ADCY9: variants seen among roughly 807,000 people sequenced by gnomAD.
The protein encoded by ADCY9 is adenylate cyclase type 9.
ADCY9 carries 50 observed loss-of-function variants against 101.5 expected under a neutral mutation model. That is an observed-to-expected ratio of 0.49 (90% CI 0.39 to 0.62). The LOEUF (loss-of-function observed/expected upper bound fraction) is 0.62. ADCY9 is among the 20% of genes least tolerant of loss of function. The pLI, the probability that ADCY9 is intolerant of heterozygous loss-of-function variation, is 0.00. For synonymous variants in ADCY9, 905 were observed against 769.3 expected (o/e 1.18, Z -2.92); for missense variants, 1,662 against 1,800.4 (o/e 0.92, Z 1.39).
At chr16:3,958,562 A>G (rs2055920410), downstream of ADCY9, among the ~76,000 whole-genome samples, 3 of 148,786 alleles carry the variant, frequency 2.0e-5, no homozygotes, top group African/African-American at 7.4e-5. Flanking sequence ...AAAAAAAAAA[A>G]GAAAAACAAA....
intron 2 of ADCY9, among the ~76,000 whole-genome samples, chr16:4,032,449 G>A (rs955262900): frequency 2.6e-5 from 4 of 151,948 alleles, no homozygotes; most frequent in African/African-American, 4.8e-5. Flanking sequence ...ATGCAAAGGC[G>A]GTCACCTTAT....
Position 3,983,296 on chromosome 16 carries a change from C to A in ADCY9, c.2455G>T (p.Ala819Ser). Residue 819 changes from alanine to serine, a missense_variant, in exon 7 of 11, where the codon GCC (alanine) becomes TCC (serine). By Grantham distance (99) the Ala-to-Ser change is moderately conservative. Around this residue, in one of 5 missense-constraint regions of ADCY9, gnomAD observed 624 missense variants for 639.1 expected, o/e 0.98. Coordinates refer to ENST00000294016, the MANE Select transcript of ADCY9 (RefSeq NM_001116.4). ...YEAATVPPPP[A>S]ALAVFSAALL... is the part of the protein sequence containing the mutation. Reference sequence around the variant, plus strand: ...GCTGCACTGAAGACCGCCAGGGCGGCGGGCGGGGGAGGCACGGTGGCCGCC... The same window carrying A: ...GCTGCACTGAAGACCGCCAGGGCGGAGGGCGGGGGAGGCACGGTGGCCGCC... The A allele has an allele frequency of 6.4e-7, 1 of 1,561,120 alleles. No homozygotes were observed. Among genetic ancestry groups the A allele is most frequent in the Non-Finnish European group, 8.7e-7 (1 of 1,152,988 alleles).
At chr16:3,957,762 C>T (rs2055915370), downstream of ADCY9, among the ~76,000 whole-genome samples, 1 of 152,060 alleles carries the variant, frequency 6.6e-6, no homozygotes, top group Non-Finnish European at 1.5e-5. Flanking sequence ...ACAAGCATGT[C>T]TGTGCCCCCG....
At chr16:4,016,667 A>C (rs776298893) in intron 2 of ADCY9, among the ~76,000 whole-genome samples, 26 of 152,240 alleles carry the variant, frequency 1.7e-4, no homozygotes, top group Non-Finnish European at 2.1e-4. Flanking sequence ...AAACAAAAAA[A>C]GGGAATACAC....
intron 5 of ADCY9, 102 bp from the exon 6 acceptor site, chr16:3,989,198 T>C (rs778893440): frequency 4.3e-4 from 356 of 822,540 alleles, no homozygotes; most frequent in Non-Finnish European, 6.2e-4. Flanking sequence ...ATTAGGTATA[T>C]TACAACAGCT....
Position 4,086,809 on chromosome 16 carries a change from G to A in ADCY9, c.1693+26941C>T, listed in dbSNP as rs139046912. Among the ~76,000 whole-genome samples the A allele has an allele frequency of 1.4e-3, 211 of 152,052 alleles. 1 individual carries two copies. The highest frequency in any genetic ancestry group is 2.3e-3 in the Non-Finnish European group (154 of 67,936). Reference sequence around the variant, plus strand: ...CTAGTAGCTGGAATTACAGGCATGCGCCACCACGCCCGGCTAATTTTTGTA... The same window carrying A: ...CTAGTAGCTGGAATTACAGGCATGCACCACCACGCCCGGCTAATTTTTGTA... On this transcript the variant is annotated intron_variant, in intron 2 of 10. Coordinates refer to ENST00000294016, the MANE Select transcript of ADCY9 (RefSeq NM_001116.4).
At chr16:4,045,464 G>T (rs532013808) in intron 2 of ADCY9, among the ~76,000 whole-genome samples, 1 of 151,610 alleles carries the variant, frequency 6.6e-6, no homozygotes. Context: ...GTGTGGTGGC[G>T]TGTACCTGTA....
At chr16:4,084,773 C>G (rs2056926937) in intron 2 of ADCY9, among the ~76,000 whole-genome samples, 1 of 151,918 alleles carries the variant, frequency 6.6e-6, no homozygotes, top group Non-Finnish European at 1.5e-5. Context: ...GAATCAGTGG[C>G]AATCTCTGTG....
intron 2 of ADCY9, among the ~76,000 whole-genome samples, chr16:4,099,548 G>C (rs1169336815): frequency 6.6e-6 from 1 of 152,092 alleles, no homozygotes; most frequent in Non-Finnish European, 1.5e-5. Context: ...TCTTTAAAAA[G>C]GTTACTAAAA....
Position 4,116,411 on chromosome 16 carries a change from C to T in ADCY9, c.-765G>A, listed in dbSNP as rs1372260944. On this transcript the variant is annotated 5_prime_UTR_variant, in exon 1 of 11. The change abolishes an upstream ATG in the 5' untranslated region. Transcript: ENST00000294016. ...ATGTCGGAAGAGCTGCCGCCGCCAC[C>T]ATCTCCGGCCCCTGCCCCGCCCGCT... 2.7e-5 allele frequency among the ~76,000 whole-genome samples: 4 copies of T among 146,242 alleles called. No homozygotes were observed. Among genetic ancestry groups the T allele is most frequent in the Non-Finnish European group, 6.1e-5 (4 of 65,774 alleles).
At chr16:3,975,858 T>C (rs934304742) in intron 9 of ADCY9, among the ~76,000 whole-genome samples, 1 of 152,228 alleles carries the variant, frequency 6.6e-6, no homozygotes, top group African/African-American at 2.4e-5. Context: ...TCACGAAATA[T>C]TTGAATAAAT....
intron 8 of ADCY9, among the ~76,000 whole-genome samples, chr16:3,977,868 C>T (rs1169471196): frequency 6.6e-6 from 1 of 152,162 alleles, no homozygotes; most frequent in South Asian, 2.1e-4. Flanking sequence ...AGGCTCCCGG[C>T]ACCACACCTC....
At chr16:4,059,950 C>T (rs1179768758) in intron 2 of ADCY9, among the ~76,000 whole-genome samples, 5 of 152,154 alleles carry the variant, frequency 3.3e-5, no homozygotes, top group African/African-American at 9.7e-5. Context: ...TGAGTTAGAG[C>T]GGTGGTGTTC....
In ADCY9 at chr16:4,033,194, T is replaced by C. The variant is rs575843324; in HGVS notation, c.1694-25636A>G. Among the ~76,000 whole-genome samples, 8 of 152,274 alleles carry C rather than the reference T, an allele frequency of 5.3e-5. No homozygotes were observed. The East Asian group carries it at 1.5e-3, about 29-fold the overall frequency. ...TCACATATAAGCACTTAGCAAAAAATATTTAAAACTCTCATAAGTTTTGGT... is the reference window on the plus strand; with the variant it reads ...TCACATATAAGCACTTAGCAAAAAACATTTAAAACTCTCATAAGTTTTGGT... On this transcript the variant is annotated intron_variant, in intron 2 of 10. Transcript: ENST00000294016.
intron 2 of ADCY9, among the ~76,000 whole-genome samples, chr16:4,085,230 C>T (rs903247171): frequency 6.6e-6 from 1 of 152,062 alleles, no homozygotes; most frequent in Non-Finnish European, 1.5e-5. Flanking sequence ...GGCATGGTGG[C>T]GCATACCTAT....
At chr16:4,049,360 T>C (rs1203186053) in intron 2 of ADCY9, among the ~76,000 whole-genome samples, 5 of 152,136 alleles carry the variant, frequency 3.3e-5, no homozygotes, top group African/African-American at 1.2e-4. Context: ...TAGCTGCCCA[T>C]AGATGACCAG....
intron 2 of ADCY9, among the ~76,000 whole-genome samples, chr16:4,092,915 A>G (rs2141190771): frequency 6.6e-6 from 1 of 152,380 alleles, no homozygotes; most frequent in South Asian, 2.1e-4. Context: ...CATGGATAGC[A>G]AAAGAAGCCA....
intron 2 of ADCY9, among the ~76,000 whole-genome samples, chr16:4,073,332 T>G: frequency 6.6e-6 from 1 of 150,962 alleles, no homozygotes. Flanking sequence ...AGTGATCAAC[T>G]CTCCTCAGCC....
At chr16:4,056,018 C>T (rs1359299078) in intron 2 of ADCY9, among the ~76,000 whole-genome samples, 6 of 152,134 alleles carry the variant, frequency 3.9e-5, no homozygotes, top group Non-Finnish European at 5.9e-5. Flanking sequence ...TTCCTTAGCT[C>T]CCATAGACAG....
Sources: allele counts gnomAD v4.1 joint callset (sites outside exome capture counted in the v4.1 genomes callset), GRCh38; gene constraint gnomAD v4.1.1; regional missense constraint gnomAD v4.1.1; transcripts MANE v1.5; gene names NCBI Gene and HGNC (gene_info 2026-07-23, HGNC 2026-07-21).